CADPS: variants seen among roughly 807,000 people sequenced by gnomAD.
CADPS encodes the protein calcium dependent secretion activator, also known as calcium-dependent secretion activator 1.
In CADPS, 57 loss-of-function variants were observed where a neutral mutation model predicts 167.3. The ratio of observed to expected loss-of-function variants is 0.34; its 90% CI spans 0.28 to 0.42. The LOEUF is 0.42. CADPS is among the 20% of genes least tolerant of loss of function. The pLI, the probability that CADPS is intolerant of heterozygous loss-of-function variation, is 1.00. For synonymous variants in CADPS, 676 were observed against 635.3 expected (o/e 1.06, Z -0.96); for missense variants, 1,414 against 1,738.1 (o/e 0.81, Z 3.32).
chr3:62,667,348 C>T (rs1039845170), intron 3 of CADPS, among the ~76,000 whole-genome samples: 3 of 151,652 alleles, frequency 2.0e-5, no homozygotes, highest in Non-Finnish European at 4.4e-5. Flanking sequence ...ACCCTGGGAC[C>T]CTGGAATGAA....
Position 62,612,588 on chromosome 3 carries a change from T to C in CADPS, c.1326-19840A>G, listed in dbSNP as rs112741867. ...CAAATAAATTAATTGAGTAAGGGAC[T>C]CATTGCTGAAGTCAATAGTTATGTC... On this transcript the variant is annotated intron_variant, in intron 6 of 29. Transcript: ENST00000383710. Among the ~76,000 whole-genome samples the C allele has an allele frequency of 1.4e-3, 214 of 152,340 alleles. 1 individual carries two copies. Among genetic ancestry groups the C allele is most frequent in the African/African-American group, 5.0e-3 (209 of 41,580 alleles).
intron 6 of CADPS, among the ~76,000 whole-genome samples, chr3:62,633,326 TC>T (rs2065662337): frequency 6.6e-6 from 1 of 152,144 alleles, no homozygotes; most frequent in African/African-American, 2.4e-5. Context: ...CCATTGCTGC[TC>T]ATGCCTCATG....
chr3:62,647,192 T>C (rs562177604), intron 5 of CADPS, among the ~76,000 whole-genome samples: 3 of 152,272 alleles, frequency 2.0e-5, no homozygotes, highest in East Asian at 1.9e-4. Context: ...AAACAGGTAA[T>C]GGTATTACAC....
chr3:62,453,114 CAG>C (rs2058279197), intron 26 of CADPS, among the ~76,000 whole-genome samples: 1 of 152,096 alleles, frequency 6.6e-6, no homozygotes, highest in African/African-American at 2.4e-5. Context: ...GCCTGGGAGA[CAG>C]AGTGAGACCC....
At chr3:62,623,971 G>C (rs1647560599) in intron 6 of CADPS, among the ~76,000 whole-genome samples, 1 of 151,880 alleles carries the variant, frequency 6.6e-6, no homozygotes, top group Admixed American at 6.6e-5. Context: ...ACGAGGGTGG[G>C]GGTGCTCCTG....
Position 62,438,120 on chromosome 3 carries a change from A to G in CADPS, c.3761T>C (p.Ile1254Thr), listed in dbSNP as rs762508377. The change falls in exon 28 of 30, where the codon ATA (isoleucine) becomes ACA (threonine). Residue 1254 changes from isoleucine to threonine, a missense_variant. By Grantham distance (89) the Ile-to-Thr change is moderately conservative (BLOSUM62 -1). Around this residue, in one of 6 missense-constraint regions of CADPS, gnomAD observed 185 missense variants for 251.5 expected, o/e 0.74. Transcript: ENST00000383710. The surrounding 1 kb of genome is among the most constrained non-coding windows in gnomAD (Gnocchi z 4.7). Reference sequence around the variant, plus strand: ...TTTACTTACATCAAATAACCTTTCTATGTACATCTCCTCATTGACCTTATC... The same window carrying G: ...TTTACTTACATCAAATAACCTTTCTGTGTACATCTCCTCATTGACCTTATC... ...LRDKVNEEMY[I>T]ERLFDQWYNS... is the part of the protein sequence containing the mutation. The G allele has an allele frequency of 6.2e-7, 1 of 1,612,136 alleles. No individual in the cohort carries two copies. Among genetic ancestry groups the G allele is most frequent in the Non-Finnish European group, 8.5e-7 (1 of 1,178,424 alleles).
At chr3:62,636,997 T>A (rs982981619) in intron 6 of CADPS, among the ~76,000 whole-genome samples, 1 of 152,162 alleles carries the variant, frequency 6.6e-6, no homozygotes, top group Non-Finnish European at 1.5e-5. Flanking sequence ...GGGGCAGGCT[T>A]CCTAATTTCT....
At chr3:62,686,199 A>C (rs2078004144) in intron 3 of CADPS, among the ~76,000 whole-genome samples, 1 of 152,118 alleles carries the variant, frequency 6.6e-6, no homozygotes, top group Admixed American at 6.5e-5. Flanking sequence ...GTGAGCAAAC[A>C]AACAAACAAA....
chr3:62,678,675 G>A (rs1191936637), intron 3 of CADPS, among the ~76,000 whole-genome samples: 2 of 152,096 alleles, frequency 1.3e-5, no homozygotes, highest in Non-Finnish European at 1.5e-5. Flanking sequence ...AATGTTTTAA[G>A]CCTAAATGCA....
intron 3 of CADPS, among the ~76,000 whole-genome samples, chr3:62,731,669 G>C (rs1156660528): frequency 6.6e-6 from 1 of 151,772 alleles, no homozygotes; most frequent in African/African-American, 2.4e-5. Flanking sequence ...TGCAATGTGA[G>C]GTAGGAATAC....
chr3:62,845,650 T>C, intron 1 of CADPS, among the ~76,000 whole-genome samples: 1 of 152,212 alleles, frequency 6.6e-6, no homozygotes, highest in African/African-American at 2.4e-5. Context: ...TTTGTTGATA[T>C]GTCCCTTAAA....
Position 62,557,354 on chromosome 3 carries a change from T to A in CADPS, c.1753+51A>T, listed in dbSNP as rs1157132442. On this transcript the variant is annotated intron_variant, in intron 10 of 29. Coordinates refer to ENST00000383710, the MANE Select transcript of CADPS (RefSeq NM_003716.4). ...CAGCAATTATTAGTTGACCATTGAT[T>A]TGGGAAGGTTGAGGGTTTGTGGGCT... 2.5e-6 allele frequency: 3 copies of A among 1,221,390 alleles called. No homozygotes were observed. The South Asian group carries it at 3.6e-5, about 15-fold the overall frequency. The allele number at this position is 1,221,390 out of a possible 1,614,324, so 75.7% of individuals were successfully genotyped here.
chr3:62,646,667 A>G (rs1428625085), intron 5 of CADPS, among the ~76,000 whole-genome samples: 1 of 152,232 alleles, frequency 6.6e-6, no homozygotes, highest in Non-Finnish European at 1.5e-5. Flanking sequence ...TGGAGAGCAC[A>G]TGCTCCTTCT....
At chr3:62,685,626 G>A (rs1191878398) in intron 3 of CADPS, among the ~76,000 whole-genome samples, 1 of 149,176 alleles carries the variant, frequency 6.7e-6, no homozygotes, top group Non-Finnish European at 1.5e-5. Flanking sequence ...TTATAGCAGC[G>A]GTCCCCAACA....
rs1003410046 is a variant in CADPS, at chr3:62,496,069, T to A, written c.2707-2404A>T. On this transcript the variant is annotated intron_variant, in intron 18 of 29. Transcript: ENST00000383710. ...GATTTAGTCTTTTGTTTTTCTTTTC[T>A]TTTCTTTTTTTTTTTTTTAATATAC... is the stretch of plus-strand genomic sequence containing the variant. 4.8e-5 allele frequency among the ~76,000 whole-genome samples: 7 copies of A among 146,558 alleles called. No homozygotes were observed. The Admixed American group carries it at 4.9e-4, about 10-fold the overall frequency.
At chr3:62,496,043 G>C (rs1229577196) in intron 18 of CADPS, among the ~76,000 whole-genome samples, 1 of 151,520 alleles carries the variant, frequency 6.6e-6, no homozygotes, top group Non-Finnish European at 1.5e-5. Flanking sequence ...TCCAAGCTTA[G>C]GATTTAGTCT....
chr3:62,777,119 A>G (rs2090493485), intron 1 of CADPS, among the ~76,000 whole-genome samples: 1 of 152,238 alleles, frequency 6.6e-6, no homozygotes. Context: ...ATACTAGCAC[A>G]GCAACATATG....
chr3:62,587,744 G>A (rs1039937872), intron 7 of CADPS, among the ~76,000 whole-genome samples: 3 of 152,182 alleles, frequency 2.0e-5, no homozygotes, highest in East Asian at 1.9e-4. Flanking sequence ...GCTCATTACC[G>A]GCTATGCCAC....
chr3:62,855,355 T>C (rs1286767032), intron 1 of CADPS, among the ~76,000 whole-genome samples: 1 of 151,728 alleles, frequency 6.6e-6, no homozygotes, highest in African/African-American at 2.4e-5. Flanking sequence ...ATGTAAGTTC[T>C]GATTATTTTT....
Sources: gnomAD v4.1 joint callset for allele counts (sites outside exome capture counted in the v4.1 genomes callset) on GRCh38, gnomAD v4.1.1 for gene constraint, gnomAD v4.1.1 regional missense constraint, Gnocchi (gnomAD v3.1) non-coding constraint, MANE v1.5 for transcripts, NCBI Gene and HGNC (gene_info 2026-07-23, HGNC 2026-07-21) for gene names.